ZNF26: variants seen among roughly 807,000 people sequenced by gnomAD.
The protein encoded by ZNF26 is zinc finger protein 26, also known as epididymis luminal protein 179.
Under a neutral mutation model 54.9 loss-of-function variants are expected in ZNF26, and 32 were observed. The ratio of observed to expected loss-of-function variants is 0.58; its 90% CI spans 0.44 to 0.78. ZNF26 has a LOEUF of 0.78. ZNF26 is among the 30% of genes least tolerant of loss of function. The pLI is 0.00. For missense variants in ZNF26, 524 were observed against 634.0 expected (o/e 0.83, Z 1.86); for synonymous variants, 221 against 209.2 (o/e 1.06, Z -0.49).
Position 133,019,767 on chromosome 12 carries a change from C to G in ZNF26, c.*8286C>G, listed in dbSNP as rs1953614517. Reference sequence around the variant, plus strand: ...AGTACATCAAAGAGACACCTGCACTCTCACGTTTCCTGCAGCACTATCCAC... The same window carrying G: ...AGTACATCAAAGAGACACCTGCACTGTCACGTTTCCTGCAGCACTATCCAC... On this transcript the variant is annotated 3_prime_UTR_variant, in exon 4 of 4. Transcript: ENST00000328654. The G allele has an allele frequency of 6.6e-6, 1 of 152,128 alleles. No homozygotes were observed. The highest frequency in any genetic ancestry group is 2.4e-5 in the African/African-American group (1 of 41,438). 9.4% of individuals were successfully genotyped at this position (152,128 alleles called of 1,614,324 possible).
Position 133,001,565 on chromosome 12 carries a change from C to G in ZNF26, c.34-5477C>G. 8 of 907,830 alleles carry G rather than the reference C, an allele frequency of 8.8e-6. No individual in the cohort carries two copies. Among genetic ancestry groups the G allele is most frequent in the Non-Finnish European group, 1.2e-5 (8 of 647,316 alleles). The allele number at this position is 907,830 out of a possible 1,614,324, so 56.2% of individuals were successfully genotyped here. On this transcript the variant is annotated intron_variant, in intron 1 of 3. Coordinates refer to ENST00000328654, the MANE Select transcript of ZNF26 (RefSeq NM_019591.4). This position sits in a 1 kb window ranked among gnomAD's most constrained non-coding sequence, Gnocchi z 4.7. Reference sequence around the variant, plus strand: ...TTCCATGGTGTATGTGATTCTTTCTCTCACTGCATGCAGACTCACCCAGAA... The same window carrying G: ...TTCCATGGTGTATGTGATTCTTTCTGTCACTGCATGCAGACTCACCCAGAA...
In ZNF26 at chr12:133,023,959, T is replaced by C. The variant is rs914997197; in HGVS notation, c.*12478T>C. The C allele has an allele frequency of 2.6e-4, 40 of 152,356 alleles. No homozygotes were observed. Among genetic ancestry groups the C allele is most frequent in the African/African-American group, 8.4e-4 (35 of 41,578 alleles). 9.4% of individuals were successfully genotyped at this position (152,356 alleles called of 1,614,324 possible). On this transcript the variant is annotated 3_prime_UTR_variant, in exon 4 of 4. Transcript: ENST00000328654. The stretch of plus-strand genomic sequence containing the variant: ...AAAGAGATGCTTGTTCAGCCCCATA[T>C]GCTCCCGTTCCATGCCTTTCTGGCT...
intron 1 of ZNF26, among the ~76,000 whole-genome samples, chr12:132,988,753 T>C (rs1952882421): frequency 6.6e-6 from 1 of 152,222 alleles, no homozygotes; most frequent in Non-Finnish European, 1.5e-5. Flanking sequence ...AGTCTTCCTA[T>C]CCATGAACAT....
chr12:133,012,578 GTTTTTTTTTTTTT>G lies in ZNF26; in HGVS notation c.*1116_*1128del, dbSNP rs1193864973. On this transcript the variant is annotated 3_prime_UTR_variant, in exon 4 of 4. Coordinates refer to ENST00000328654, the MANE Select transcript of ZNF26 (RefSeq NM_019591.4). ...ATGTCTTTTGCTTTTTGTTGTTTGG[GTTTTTTTTTTTTT>G]TTTTTTTTTTTTTTTTTTGAGACTA... 4.5e-4 allele frequency: 17 copies of G among 37,652 alleles called. No homozygotes were observed. The highest frequency in any genetic ancestry group is 1.6e-3 in the South Asian group (1 of 640). 2.3% of individuals were successfully genotyped at this position (37,652 alleles called of 1,614,324 possible). A position where few individuals can be genotyped will look rare whatever the true frequency, so the allele number is the denominator to read the frequency against.
rs1320525856 is a variant in ZNF26 at position 133,023,821 on chromosome 12, G to C, written c.*12340G>C. The C allele has an allele frequency of 1.3e-5, 2 of 152,224 alleles. No homozygotes were observed. Among genetic ancestry groups the C allele is most frequent in the Admixed American group, 6.5e-5 (1 of 15,282 alleles). The allele number at this position is 152,224 out of a possible 1,614,324, so 9.4% of individuals were successfully genotyped here. A position where few individuals can be genotyped will look rare whatever the true frequency, so the allele number is the denominator to read the frequency against. On this transcript the variant is annotated 3_prime_UTR_variant, in exon 4 of 4. Coordinates refer to ENST00000328654, the MANE Select transcript of ZNF26 (RefSeq NM_019591.4). ...TAAAAAGCCATGCGGCTTCTGCCTTGATTGCAGAGATCCTTCATTTGCCAT... is the reference window on the plus strand; with the variant it reads ...TAAAAAGCCATGCGGCTTCTGCCTTCATTGCAGAGATCCTTCATTTGCCAT...
At position 132,986,530 on chromosome 12, in the gene ZNF26, A is replaced by G. The variant is rs113985013; in HGVS notation, c.-311A>G. 10,024 of 491,854 alleles carry G rather than the reference A, an allele frequency of 0.02. 297 individuals carry two copies. Among genetic ancestry groups the G allele is most frequent in the South Asian group, 0.083 (3,313 of 39,782 alleles). The allele number at this position is 491,854 out of a possible 1,614,324, so 30.5% of individuals were successfully genotyped here. A position where few individuals can be genotyped will look rare whatever the true frequency, so the allele number is the denominator to read the frequency against. On this transcript the variant is annotated 5_prime_UTR_variant, in exon 1 of 4. Transcript: ENST00000328654. ...GGGCAGACCAGAGACTTGACCAGCT[A>G]AACACTTCCGTCGGTCCGGGGCGTG...
In ZNF26 at chr12:133,011,694, G is replaced by A. The variant is rs1177852499; in HGVS notation, c.*213G>A. The A allele has an allele frequency of 7.8e-6, 3 of 384,816 alleles. No individual in the cohort carries two copies. The highest frequency in any genetic ancestry group is 8.2e-5 in the East Asian group (2 of 24,482). 23.8% of individuals were successfully genotyped at this position (384,816 alleles called of 1,614,324 possible). On this transcript the variant is annotated 3_prime_UTR_variant, in exon 4 of 4. Coordinates refer to ENST00000328654, the MANE Select transcript of ZNF26 (RefSeq NM_019591.4). ...ATGGAAGGAATGTGGAGCAATAAATGTATCAAATGTTGTAGTATCATCATG... is the reference window on the plus strand; with the variant it reads ...ATGGAAGGAATGTGGAGCAATAAATATATCAAATGTTGTAGTATCATCATG...
Position 133,013,161 on chromosome 12 carries a change from CAG to C in ZNF26, c.*1681_*1682del, listed in dbSNP as rs1486998521. Reference sequence around the variant, plus strand: ...TTTAAATTTATGAGAAAATCTGAGACAGGGGCAGAGATGGCTGATTTTGATCT... The same window carrying C: ...TTTAAATTTATGAGAAAATCTGAGACGGGCAGAGATGGCTGATTTTGATCT... On this transcript the variant is annotated 3_prime_UTR_variant, in exon 4 of 4. Transcript: ENST00000328654. 6.6e-6 allele frequency: 1 copy of C among 152,158 alleles called. No homozygotes were observed. The highest frequency in any genetic ancestry group is 1.5e-5 in the Non-Finnish European group (1 of 68,030). 9.4% of individuals were successfully genotyped at this position (152,158 alleles called of 1,614,324 possible).
intron 1 of ZNF26, among the ~76,000 whole-genome samples, chr12:132,997,591 G>T (rs897450126): frequency 6.6e-6 from 1 of 152,214 alleles, no homozygotes; most frequent in African/African-American, 2.4e-5. Context: ...TAGGTAGGGT[G>T]CCTGATATTG....
rs1953556801 is a variant in ZNF26 at position 133,015,642 on chromosome 12, T to TA, written c.*4166dup. The TA allele has an allele frequency of 1.3e-5, 2 of 152,088 alleles. No homozygotes were observed. The highest frequency in any genetic ancestry group is 3.8e-4 in the East Asian group (2 of 5,198). 9.4% of individuals were successfully genotyped at this position (152,088 alleles called of 1,614,324 possible). On this transcript the variant is annotated 3_prime_UTR_variant, in exon 4 of 4. Transcript: ENST00000328654. ...ATGACAGGGCAAGACCTCATATCTG[T>TA]AAAAAGTAAAAATAAATAAACAAAC...
Position 133,011,113 on chromosome 12 carries a change from TA to T in ZNF26, c.1235del (p.Tyr412SerfsTer30). Reference protein sequence around the residue: ...ECGKAFSSKSYLVIHRRTHTG... With the variant: ...ECGKAFSSKSXLVIHRRTHTG... ...TGGGAAGGCTTTCAGCAGCAAGTCA[TA>T]CCTTGTTATACATAGGAGAACACAC... On this transcript the variant is annotated frameshift_variant, in exon 4 of 4. Coordinates refer to ENST00000328654, the MANE Select transcript of ZNF26 (RefSeq NM_019591.4). LOFTEE classifies it high-confidence loss of function. 1 of 1,614,150 alleles carries T rather than the reference TA, an allele frequency of 6.2e-7. No homozygotes were observed.
intron 1 of ZNF26, among the ~76,000 whole-genome samples, chr12:132,998,798 A>G (rs1420394097): frequency 2.6e-5 from 4 of 151,946 alleles, no homozygotes; most frequent in African/African-American, 9.7e-5. Flanking sequence ...TAAAATAACC[A>G]GTCTCTCAAT....
At chr12:133,006,941 T>G in intron 1 of ZNF26, 101 bp from the exon 2 acceptor site, 1 of 1,373,712 alleles carries the variant, frequency 7.3e-7, no homozygotes. Flanking sequence ...CCACAGGAAA[T>G]AGTTGGTAGA....
chr12:133,009,481 A>C (rs1458120567), intron 3 of ZNF26, among the ~76,000 whole-genome samples: 13 of 152,140 alleles, frequency 8.5e-5, no homozygotes, highest in Admixed American at 7.9e-4. Flanking sequence ...AGTCCCAGCT[A>C]CTCAGGAATC....
At chr12:133,000,115 CTT>C (rs1353072824) in intron 1 of ZNF26, among the ~76,000 whole-genome samples, 2 of 152,082 alleles carry the variant, frequency 1.3e-5, no homozygotes, top group Non-Finnish European at 2.9e-5. Flanking sequence ...ATCATAATCT[CTT>C]GTGAAATTTT....
chr12:133,009,725 C>T (rs1287218934), intron 3 of ZNF26, among the ~76,000 whole-genome samples: 1 of 152,070 alleles, frequency 6.6e-6, no homozygotes, highest in Non-Finnish European at 1.5e-5. Flanking sequence ...CCCTGTCAGT[C>T]AGGCTTCTTC....
intron 1 of ZNF26, among the ~76,000 whole-genome samples, chr12:132,988,713 A>T (rs1952881612): frequency 6.6e-6 from 1 of 152,208 alleles, no homozygotes; most frequent in African/African-American, 2.4e-5. Flanking sequence ...CTGTAGATCA[A>T]GTTGGGAAGA....
Position 133,023,669 on chromosome 12 carries a change from C to A in ZNF26, c.*12188C>A, listed in dbSNP as rs1325589648. On this transcript the variant is annotated 3_prime_UTR_variant, in exon 4 of 4. Transcript: ENST00000328654. ...GACAGTAGCTTCCATCTCATCTCCTCTTCTACAGTGTGATCTTGCCACTCC... is the reference window on the plus strand; with the variant it reads ...GACAGTAGCTTCCATCTCATCTCCTATTCTACAGTGTGATCTTGCCACTCC... The A allele has an allele frequency of 6.6e-6, 1 of 152,200 alleles. No homozygotes were observed. Among genetic ancestry groups the A allele is most frequent in the Non-Finnish European group, 1.5e-5 (1 of 68,034 alleles). The allele number at this position is 152,200 out of a possible 1,614,324, so 9.4% of individuals were successfully genotyped here. A position where few individuals can be genotyped will look rare whatever the true frequency, so the allele number is the denominator to read the frequency against.
intron 1 of ZNF26, among the ~76,000 whole-genome samples, chr12:132,989,028 ATTTTTTTTTTTTTT>A (rs150395603): frequency 1.3e-5 from 1 of 78,826 alleles, no homozygotes; most frequent in Admixed American, 1.9e-4. Context: ...CTTTCGGTGA[ATTTTTTTTTTTTTT>A]TTTTTTTTTT....
Sources: allele counts gnomAD v4.1 joint callset (sites outside exome capture counted in the v4.1 genomes callset), GRCh38; gene constraint gnomAD v4.1.1; non-coding constraint Gnocchi (gnomAD v3.1); transcripts MANE v1.5; gene names NCBI Gene and HGNC (gene_info 2026-07-23, HGNC 2026-07-21).